PAAF1: variants seen among roughly 807,000 people sequenced by gnomAD.
The protein encoded by PAAF1 is proteasomal ATPase associated factor 1.
Under a neutral mutation model 52.8 loss-of-function variants are expected in PAAF1, and 46 were observed. The observed-to-expected ratio is 0.87, with a 90% CI of 0.69 to 1.11. The LOEUF (loss-of-function observed/expected upper bound fraction) is 1.11. Among genes scored for constraint, PAAF1 ranks in the 50% most tolerant of loss-of-function variants. PAAF1 has a pLI of 0.00. For synonymous variants in PAAF1, 178 were observed against 172.8 expected, an observed-to-expected ratio of 1.03 and a Z score of -0.24; for missense variants, 424 against 477.4, an observed-to-expected ratio of 0.89 and a Z score of 1.04.
chr11:73,886,966 T>C, intron 2 of PAAF1: 1 of 425,914 alleles, frequency 2.3e-6, no homozygotes. Flanking sequence ...CCCTTCTCTC[T>C]CTTACTTCCT....
chr11:73,899,514 C>A (rs144552449), intron 5 of PAAF1, among the ~76,000 whole-genome samples: 1 of 148,082 alleles, frequency 6.8e-6, no homozygotes, highest in Non-Finnish European at 1.5e-5. Context: ...TGGGTTCAAG[C>A]GATTCTTGTG....
At chr11:73,920,646 A>G (rs1461892210) in intron 10 of PAAF1, among the ~76,000 whole-genome samples, 2 of 151,976 alleles carry the variant, frequency 1.3e-5, no homozygotes, top group Middle Eastern at 3.4e-3. Context: ...TGAGGTCAGG[A>G]ATTTGAGACT....
chr11:73,924,507 A>T, intron 10 of PAAF1, 108 bp from the exon 11 acceptor site: 1 of 896,012 alleles, frequency 1.1e-6, no homozygotes, highest in Admixed American at 2.4e-5. Context: ...GGGTCTTTGG[A>T]CCATCTTCTT....
rs1444876752 is a variant in PAAF1, at chr11:73,927,621, G to C, written c.*259G>C. On this transcript the variant is annotated 3_prime_UTR_variant, in exon 12 of 12. Coordinates refer to ENST00000310571, the MANE Select transcript of PAAF1 (RefSeq NM_025155.3). Reference sequence around the variant, plus strand: ...ACTCACCCCAGCAACACAGGGCAAGGATATAGATGCTTTTAGTTTGTTCTT... The same window carrying C: ...ACTCACCCCAGCAACACAGGGCAAGCATATAGATGCTTTTAGTTTGTTCTT... 1.1e-5 allele frequency: 6 copies of C among 526,300 alleles called. No homozygotes were observed. In the African/African-American group the frequency reaches 1.1e-4, roughly 10 times the overall value. 32.6% of individuals were successfully genotyped at this position (526,300 alleles called of 1,614,324 possible). A position where few individuals can be genotyped will look rare whatever the true frequency, so the allele number is the denominator to read the frequency against.
chr11:73,898,912 C>A (rs1949511029), intron 4 of PAAF1, among the ~76,000 whole-genome samples: 1 of 152,160 alleles, frequency 6.6e-6, no homozygotes. Context: ...CATTAGACTT[C>A]AGATGATTAG....
At chr11:73,895,104 G>T (rs1229364749) in intron 4 of PAAF1, among the ~76,000 whole-genome samples, 1 of 152,178 alleles carries the variant, frequency 6.6e-6, no homozygotes, top group East Asian at 1.9e-4. Flanking sequence ...TCTGGATACT[G>T]AATAAAATAA....
intron 4 of PAAF1, among the ~76,000 whole-genome samples, chr11:73,898,137 C>T (rs947323912): frequency 6.8e-6 from 1 of 146,400 alleles, no homozygotes; most frequent in African/African-American, 2.5e-5. Flanking sequence ...GCAGCAGTAC[C>T]GTCCAGCTGG....
chr11:73,908,373 G>GTATA (rs761845668), intron 6 of PAAF1, among the ~76,000 whole-genome samples: 1 of 135,006 alleles, frequency 7.4e-6, no homozygotes, highest in Non-Finnish European at 1.6e-5. Flanking sequence ...ATATATATAT[G>GTATA]TATATATATG....
chr11:73,900,978 TCTCAAAAAAAAA>T (rs1373977575), intron 6 of PAAF1, among the ~76,000 whole-genome samples: 1 of 70,520 alleles, frequency 1.4e-5, no homozygotes, highest in Non-Finnish European at 2.4e-5. Flanking sequence ...CGAGACTCCG[TCTCAAAAAAAAA>T]AAAAAAAAAA....
intron 11 of PAAF1, among the ~76,000 whole-genome samples, 197 bp from the exon 12 acceptor site, chr11:73,927,088 C>T (rs948588237): frequency 6.6e-6 from 1 of 152,152 alleles, no homozygotes; most frequent in African/African-American, 2.4e-5. Flanking sequence ...TGGTGCATCC[C>T]AACCATTGGT....
intron 5 of PAAF1, among the ~76,000 whole-genome samples, chr11:73,900,055 C>G (rs1377007399): frequency 6.7e-6 from 1 of 148,556 alleles, no homozygotes; most frequent in East Asian, 2.0e-4. Context: ...GAATTCAGTT[C>G]TATAACCTCT....
intron 10 of PAAF1, chr11:73,921,982 C>T (rs1357104708): frequency 5.9e-6 from 5 of 849,794 alleles, no homozygotes; most frequent in East Asian, 3.0e-5. Context: ...GACAGAGATA[C>T]GTATATCAAG....
At chr11:73,924,289 T>C (rs568388037) in intron 10 of PAAF1, among the ~76,000 whole-genome samples, 2 of 152,136 alleles carry the variant, frequency 1.3e-5, no homozygotes, top group Non-Finnish European at 1.5e-5. Context: ...ACCCCGTCTC[T>C]ACAAAAATTA....
chr11:73,876,984 A>G (rs568364042), upstream of PAAF1: 126 of 1,501,848 alleles, frequency 8.4e-5, no homozygotes, highest in East Asian at 3.1e-3. Context: ...ACTTCCGGGA[A>G]GGGGCGGAAG....
intron 6 of PAAF1, among the ~76,000 whole-genome samples, chr11:73,907,648 C>A (rs535594811): frequency 3.7e-4 from 57 of 152,300 alleles, no homozygotes; most frequent in African/African-American, 1.3e-3. Flanking sequence ...TTAACCTGGT[C>A]AACCCCACTG....
intron 6 of PAAF1, among the ~76,000 whole-genome samples, chr11:73,909,171 TA>T (rs1197275368): frequency 4.6e-5 from 7 of 152,228 alleles, no homozygotes; most frequent in African/African-American, 1.7e-4. Context: ...CACTAAAAAT[TA>T]AATCCAGTAC....
At chr11:73,882,529 C>T (rs1034522043) in intron 2 of PAAF1, among the ~76,000 whole-genome samples, 10 of 152,098 alleles carry the variant, frequency 6.6e-5, no homozygotes, top group African/African-American at 1.9e-4. Context: ...TCACTGCAAC[C>T]TCCACCTCCT....
At chr11:73,925,006 T>A (rs1950314028) in intron 11 of PAAF1, among the ~76,000 whole-genome samples, 1 of 151,400 alleles carries the variant, frequency 6.6e-6, no homozygotes, top group South Asian at 2.1e-4. Context: ...TACAAAAAAA[T>A]TAGCTGGGCG....
chr11:73,899,258 A>G lies in PAAF1; in HGVS notation c.381+14A>G. On this transcript the variant is annotated intron_variant, in intron 5 of 11. Transcript: ENST00000310571. ...GGAGAACTCAGGGTAAAGGATTTGG[A>G]TGTACTTTTAGGTCTTAAACACAAA... is the stretch of plus-strand genomic sequence containing the variant. 2 of 1,606,724 alleles carry G rather than the reference A, an allele frequency of 1.2e-6. No homozygotes were observed. Among genetic ancestry groups the G allele is most frequent in the Non-Finnish European group, 1.7e-6 (2 of 1,173,572 alleles).
Sources: allele counts gnomAD v4.1 joint callset (sites outside exome capture counted in the v4.1 genomes callset), GRCh38; gene constraint gnomAD v4.1.1; transcripts MANE v1.5; gene names NCBI Gene and HGNC (gene_info 2026-07-23, HGNC 2026-07-21).